The following EHMT1 variants were observed in gnomAD, a reference collection of about 807,000 sequenced individuals.
The protein encoded by EHMT1 is histone-lysine N-methyltransferase EHMT1.
EHMT1 carries 15 observed loss-of-function variants against 147.2 expected under a neutral mutation model. The ratio of observed to expected loss-of-function variants is 0.10; its 90% CI spans 0.07 to 0.16. The LOEUF (loss-of-function observed/expected upper bound fraction) is 0.16, where lower values mean the gene tolerates loss of function less well. Ranked by LOEUF, EHMT1 falls within the 10% of genes least tolerant of loss-of-function variation. The pLI, the probability that EHMT1 is intolerant of heterozygous loss-of-function variation, is 1.00. For missense variants in EHMT1, 1,587 were observed against 1,772.4 expected (o/e 0.90, Z 1.88); for synonymous variants, 795 against 709.6 (o/e 1.12, Z -1.91).
At chr9:137,646,558 C>T (rs1275633974) in intron 1 of EHMT1, 4 of 457,166 alleles carry the variant, frequency 8.7e-6, no homozygotes, top group Non-Finnish European at 8.1e-6. Flanking sequence ...GGCCCCCGAG[C>T]GTGTGGGCTG....
rs748524298 is a variant in EHMT1 at position 137,792,080 on chromosome 9, C to T, written c.2505+1110C>T. 50 of 469,334 alleles carry T rather than the reference C, an allele frequency of 1.1e-4. No homozygotes were observed. Among genetic ancestry groups the T allele is most frequent in the Middle Eastern group, 3.2e-4 (1 of 3,090 alleles). 29.1% of individuals were successfully genotyped at this position (469,334 alleles called of 1,614,324 possible). ...ATACAGAAAACTTCTAAAGTTTATACGGAGTCTCAAGAGACCCAGAGAAGC... is the reference window on the plus strand; with the variant it reads ...ATACAGAAAACTTCTAAAGTTTATATGGAGTCTCAAGAGACCCAGAGAAGC... On this transcript the variant is annotated intron_variant, in intron 16 of 26. Coordinates refer to ENST00000460843, the MANE Select transcript of EHMT1 (RefSeq NM_024757.5).
At chr9:137,816,120 A>G in intron 23 of EHMT1, 58 bp downstream of exon 23, 1 of 1,469,664 alleles carries the variant, frequency 6.8e-7, no homozygotes. Flanking sequence ...ACGTATTAGC[A>G]CGGAGGTCAC....
chr9:137,813,665 T>G lies in EHMT1; in HGVS notation c.3180+135T>G. The G allele has an allele frequency of 7.8e-7, 1 of 1,277,556 alleles. No individual in the cohort carries two copies. The highest frequency in any genetic ancestry group is 1.1e-6 in the Non-Finnish European group (1 of 911,064). 79.1% of individuals were successfully genotyped at this position (1,277,556 alleles called of 1,614,324 possible). A position where few individuals can be genotyped will look rare whatever the true frequency, so the allele number is the denominator to read the frequency against. On this transcript the variant is annotated intron_variant, in intron 21 of 26. Transcript: ENST00000460843. The surrounding 1 kb of genome is among the most constrained non-coding windows in gnomAD (Gnocchi z 4.9). ...GGGGCTTCCCAGGAAGACCTCATTCTCTTTGTAGTTGCCTCCCGTGAAAGA... is the reference window on the plus strand; with the variant it reads ...GGGGCTTCCCAGGAAGACCTCATTCGCTTTGTAGTTGCCTCCCGTGAAAGA...
rs770534271 is a variant in EHMT1, at chr9:137,777,937, G to A, written c.2074G>A (p.Val692Met). 24 of 1,613,656 alleles carry A rather than the reference G, an allele frequency of 1.5e-5. No homozygotes were observed. In the South Asian group the frequency reaches 2.0e-4, roughly 13 times the overall value. The change falls in exon 13 of 27, where the codon GTG (valine) becomes ATG (methionine). Residue 692 changes from valine (V) to methionine (M), a missense_variant. Physicochemically the swap from Val to Met is conservative, Grantham distance 21 (BLOSUM62 1). Around this residue, in one of 7 missense-constraint regions of EHMT1, gnomAD observed 77 missense variants for 79.3 expected, o/e 0.97. Coordinates refer to ENST00000460843, the MANE Select transcript of EHMT1 (RefSeq NM_024757.5). ...CAAGCTGCAGGGTGCAGCCTCCCACGTGCCCGAGGGCTTTGATCCAACGGG... is the reference window on the plus strand; with the variant it reads ...CAAGCTGCAGGGTGCAGCCTCCCACATGCCCGAGGGCTTTGATCCAACGGG... ...DDKLQGAASH[V>M]PEGFDPTGPA...
intron 1 of EHMT1, among the ~76,000 whole-genome samples, chr9:137,669,410 C>G: frequency 1.3e-5 from 2 of 150,640 alleles, no homozygotes; most frequent in South Asian, 4.2e-4. Context: ...ACAGCACGTG[C>G]ACTCCACGAC....
intron 2 of EHMT1, 57 bp from the exon 3 acceptor site, chr9:137,716,569 G>C: frequency 2.0e-6 from 3 of 1,505,122 alleles, no homozygotes; most frequent in Admixed American, 2.1e-5. Context: ...TGGTGGTGGT[G>C]GTGGTGCCAT....
chr9:137,753,032 G>T (rs934844637), intron 7 of EHMT1, among the ~76,000 whole-genome samples: 5 of 152,154 alleles, frequency 3.3e-5, no homozygotes, highest in Admixed American at 6.5e-5. Context: ...CGGGAATTGG[G>T]TGTTGGAAAT....
At chr9:137,765,710 C>T (rs113312630) in intron 10 of EHMT1, among the ~76,000 whole-genome samples, 52 of 141,134 alleles carry the variant, frequency 3.7e-4, no homozygotes, top group Admixed American at 1.5e-3. Flanking sequence ...GTGTTCTTCC[C>T]GGCAGCCCCG....
intron 1 of EHMT1, among the ~76,000 whole-genome samples, chr9:137,694,081 AC>A (rs1460065170): frequency 1.1e-4 from 6 of 55,024 alleles, no homozygotes; most frequent in African/African-American, 2.2e-4. Context: ...GCTGGCCGAT[AC>A]CCCCCACACA....
chr9:137,804,537 C>A (rs1953764936), intron 18 of EHMT1, among the ~76,000 whole-genome samples: 1 of 152,110 alleles, frequency 6.6e-6, no homozygotes, highest in South Asian at 2.1e-4. Context: ...GTTTACAGAT[C>A]TGTCTTTGGA....
intron 1 of EHMT1, 22 bp downstream of exon 1, chr9:137,619,071 GGGCGGCGCGGGGGCGGCGGGCAGC>G: frequency 1.2e-6 from 1 of 837,304 alleles, no homozygotes; most frequent in African/African-American, 1.9e-5. Context: ...GGCCGGCGGG[GGGCGGCGCGGGGGCGGCGGGCAGC>G]GGCGGAGGCG....
At chr9:137,626,712 G>C (rs905808834) in intron 1 of EHMT1, among the ~76,000 whole-genome samples, 3 of 151,984 alleles carry the variant, frequency 2.0e-5, no homozygotes, top group African/African-American at 7.3e-5. Context: ...GAGTGCTGGG[G>C]GCTTGTTTAT....
intron 1 of EHMT1, among the ~76,000 whole-genome samples, chr9:137,699,119 A>G (rs1943629185): frequency 1.3e-5 from 2 of 152,070 alleles, no homozygotes; most frequent in Admixed American, 6.5e-5. Context: ...AGGCATTTGA[A>G]CCCTGAAGGC....
chr9:137,753,976 T>C (rs1190366935), intron 7 of EHMT1, among the ~76,000 whole-genome samples, 195 bp from the exon 8 acceptor site: 2 of 152,210 alleles, frequency 1.3e-5, no homozygotes, highest in African/African-American at 4.8e-5. Context: ...GGGACTGAGC[T>C]GAGAGAGTTA....
At chr9:137,624,758 G>T (rs557933943) in intron 1 of EHMT1, among the ~76,000 whole-genome samples, 1 of 151,766 alleles carries the variant, frequency 6.6e-6, no homozygotes, top group Non-Finnish European at 1.5e-5. Flanking sequence ...CACTGTTCCC[G>T]GCAGTGATTT....
At chr9:137,754,616 G>A (rs551106153) in intron 8 of EHMT1, among the ~76,000 whole-genome samples, 10 of 152,132 alleles carry the variant, frequency 6.6e-5, no homozygotes, top group Middle Eastern at 3.4e-3. Context: ...GGGCTCAGGC[G>A]ATCATCCTAC....
At chr9:137,772,190 G>A (rs990442198) in intron 10 of EHMT1, among the ~76,000 whole-genome samples, 2 of 152,114 alleles carry the variant, frequency 1.3e-5, no homozygotes, top group African/African-American at 4.8e-5. Context: ...TTACCCCTAG[G>A]TACTTTGCTA....
chr9:137,779,844 G>C, intron 14 of EHMT1, 127 bp downstream of exon 14: 1 of 1,010,400 alleles, frequency 9.9e-7, no homozygotes. Context: ...GTGTCTCCGA[G>C]TTCTCTGATG....
At chr9:137,668,799 C>T (rs572540356) in intron 1 of EHMT1, among the ~76,000 whole-genome samples, 2 of 152,092 alleles carry the variant, frequency 1.3e-5, no homozygotes, top group South Asian at 2.1e-4. Context: ...TTTGTGTGGA[C>T]CTGGGTTTTC....
Sources: allele counts gnomAD v4.1 joint callset (sites outside exome capture counted in the v4.1 genomes callset), GRCh38; gene constraint gnomAD v4.1.1; regional missense constraint gnomAD v4.1.1; non-coding constraint Gnocchi (gnomAD v3.1); transcripts MANE v1.5; gene names NCBI Gene and HGNC (gene_info 2026-07-23, HGNC 2026-07-21).